Variants in BHLHA15 observed in about 807,000 individuals in gnomAD.
BHLHA15 encodes the protein basic helix-loop-helix family member a15, also known as class A basic helix-loop-helix protein 15.
BHLHA15 carries 7 observed loss-of-function variants against 10.4 expected under a neutral mutation model. The observed-to-expected ratio is 0.67, with a 90% CI of 0.38 to 1.26. The LOEUF is 1.26. BHLHA15 is among the 50% of genes most tolerant of loss of function. The pLI, the probability that BHLHA15 is intolerant of heterozygous loss-of-function variation, is 0.02. For synonymous variants in BHLHA15, 140 were observed against 131.5 expected, an observed-to-expected ratio of 1.06 and a Z score of -0.44; for missense variants, 289 against 287.4, an observed-to-expected ratio of 1.01 and a Z score of -0.04.
chr7:98,213,299 C>A lies in BHLHA15; in HGVS notation c.*420C>A, dbSNP rs181121228. 3.9e-5 allele frequency among the ~76,000 whole-genome samples: 6 copies of A among 152,308 alleles called. No homozygotes were observed. The highest frequency in any genetic ancestry group is 7.4e-5 in the Non-Finnish European group (5 of 68,016). ...CAAGGCCAAAGCCCCAGCAAGGACC[C>A]CCTCTCCAACCTTTGTTATAGGGCT... On this transcript the variant is annotated 3_prime_UTR_variant, in exon 2 of 2. Transcript: ENST00000609256.
chr7:98,212,207 C>A, intron 1 of BHLHA15, 49 bp from the exon 2 acceptor site: 3 of 1,135,582 alleles, frequency 2.6e-6, no homozygotes, highest in Non-Finnish European at 3.4e-6. Flanking sequence ...CCAGCGGGTC[C>A]CCTGCCCATG....
Position 98,212,782 on chromosome 7 carries a change from A to T in BHLHA15, c.473A>T (p.Gln158Leu). The T allele has an allele frequency of 6.5e-7, 1 of 1,549,316 alleles. No individual in the cohort carries two copies. The highest frequency in any genetic ancestry group is 8.7e-7 in the Non-Finnish European group (1 of 1,148,052). The change falls in exon 2 of 2, where the codon CAG becomes CTG. Residue 158 changes from glutamine (Q) to leucine (L), a missense_variant. Coordinates refer to ENST00000609256, the MANE Select transcript of BHLHA15 (RefSeq NM_177455.4). Reference protein sequence around the residue: ...KLYQHYQQQQQVAGGALGATE... With the variant: ...KLYQHYQQQQLVAGGALGATE... The stretch of plus-strand genomic sequence containing the variant: ...TACCAGCACTACCAGCAGCAGCAGC[A>T]GGTGGCTGGGGGTGCGTTGGGGGCC...
Position 98,214,133 on chromosome 7 carries a change from C to T in BHLHA15, c.*1254C>T, listed in dbSNP as rs1219951841. Among the ~76,000 whole-genome samples, 1 of 152,248 alleles carries T rather than the reference C, an allele frequency of 6.6e-6. No individual in the cohort carries two copies. The highest frequency in any genetic ancestry group is 1.5e-5 in the Non-Finnish European group (1 of 68,044). Reference sequence around the variant, plus strand: ...GGGATGTGGCTGCCACAGCTGAGACCAAGGGCTCTGGCTGGCCCGTCCCCA... The same window carrying T: ...GGGATGTGGCTGCCACAGCTGAGACTAAGGGCTCTGGCTGGCCCGTCCCCA... On this transcript the variant is annotated 3_prime_UTR_variant, in exon 2 of 2. Transcript: ENST00000609256.
At chr7:98,212,105 G>C (rs114435758) in intron 1 of BHLHA15, 151 bp from the exon 2 acceptor site, 2 of 446,322 alleles carry the variant, frequency 4.5e-6, no homozygotes, top group South Asian at 7.3e-5. Flanking sequence ...AGGGCTAAGC[G>C]TGTGAACAGA....
rs541375159 is a variant in BHLHA15 at position 98,215,168 on chromosome 7, C to T, written c.*2289C>T. The T allele has an allele frequency of 1.3e-5, 2 of 152,160 alleles. No homozygotes were observed. The highest frequency in any genetic ancestry group is 2.9e-5 in the Non-Finnish European group (2 of 68,050). The allele number at this position is 152,160 out of a possible 1,614,324, so 9.4% of individuals were successfully genotyped here. A position where few individuals can be genotyped will look rare whatever the true frequency, so the allele number is the denominator to read the frequency against. On this transcript the variant is annotated 3_prime_UTR_variant, in exon 2 of 2. Coordinates refer to ENST00000609256, the MANE Select transcript of BHLHA15 (RefSeq NM_177455.4). ...TTCCTGGGCTACGCCACGCGCCATC[C>T]CCCGGGGCTGTGGACGCACCCAGCC... is the stretch of plus-strand genomic sequence containing the variant.
chr7:98,212,444 G>A lies in BHLHA15; in HGVS notation c.135G>A (p.Pro45=), dbSNP rs564004252. ...CGGCCAAGGGTCTGCGGAGCCGGCC[G>A]GCCCGGGCCGCAGCAAGGGCTCCGG... ...PEPAKGLRSR[P]ARAAARAPGE... Residue 45 remains proline, a synonymous_variant, in exon 2 of 2, where the codon CCG becomes CCA. Coordinates refer to ENST00000609256, the MANE Select transcript of BHLHA15 (RefSeq NM_177455.4). 23 of 1,525,894 alleles carry A rather than the reference G, an allele frequency of 1.5e-5. 1 individual carries two copies. The highest frequency in any genetic ancestry group is 5.1e-5 in the East Asian group (2 of 39,358). The allele number at this position is 1,525,894 out of a possible 1,614,324, so 94.5% of individuals were successfully genotyped here.
Position 98,213,296 on chromosome 7 carries a change from A to G in BHLHA15, c.*417A>G, listed in dbSNP as rs1797936897. Among the ~76,000 whole-genome samples the G allele has an allele frequency of 6.6e-6, 1 of 152,088 alleles. No individual in the cohort carries two copies. Among genetic ancestry groups the G allele is most frequent in the African/African-American group, 2.4e-5 (1 of 41,420 alleles). On this transcript the variant is annotated 3_prime_UTR_variant, in exon 2 of 2. Coordinates refer to ENST00000609256, the MANE Select transcript of BHLHA15 (RefSeq NM_177455.4). Reference sequence around the variant, plus strand: ...TTCCAAGGCCAAAGCCCCAGCAAGGACCCCCTCTCCAACCTTTGTTATAGG... The same window carrying G: ...TTCCAAGGCCAAAGCCCCAGCAAGGGCCCCCTCTCCAACCTTTGTTATAGG...
chr7:98,213,651 G>A lies in BHLHA15; in HGVS notation c.*772G>A, dbSNP rs1797941956. Among the ~76,000 whole-genome samples the A allele has an allele frequency of 6.6e-6, 1 of 152,180 alleles. No individual in the cohort carries two copies. Among genetic ancestry groups the A allele is most frequent in the Admixed American group, 6.5e-5 (1 of 15,290 alleles). On this transcript the variant is annotated 3_prime_UTR_variant, in exon 2 of 2. Transcript: ENST00000609256. Reference sequence around the variant, plus strand: ...GGTGTTCCTGGTGCAGCCCTTCTGGGCATGGGAGAGAAGCCCCAAGGCCCT... The same window carrying A: ...GGTGTTCCTGGTGCAGCCCTTCTGGACATGGGAGAGAAGCCCCAAGGCCCT...
rs1797981566 is a variant in BHLHA15 at position 98,215,436 on chromosome 7, AC to A, written c.*2558del. ...TCATAAAACAAAAATAAAAGATTTC[AC>A]AGCAATGTCTGCTTCAGGCACACGG... On this transcript the variant is annotated 3_prime_UTR_variant, in exon 2 of 2. Coordinates refer to ENST00000609256, the MANE Select transcript of BHLHA15 (RefSeq NM_177455.4). The A allele has an allele frequency of 6.6e-6, 1 of 152,290 alleles. No homozygotes were observed. Among genetic ancestry groups the A allele is most frequent in the Non-Finnish European group, 1.5e-5 (1 of 68,056 alleles). 9.4% of individuals were successfully genotyped at this position (152,290 alleles called of 1,614,324 possible).
In BHLHA15 at chr7:98,213,001, C is replaced by T. The variant is rs540561469; in HGVS notation, c.*122C>T. The T allele has an allele frequency of 6.4e-4, 595 of 935,550 alleles. 1 individual carries two copies. The highest frequency in any genetic ancestry group is 1.0e-3 in the Middle Eastern group (3 of 2,994). The allele number at this position is 935,550 out of a possible 1,614,324, so 58.0% of individuals were successfully genotyped here. A position where few individuals can be genotyped will look rare whatever the true frequency, so the allele number is the denominator to read the frequency against. On this transcript the variant is annotated 3_prime_UTR_variant, in exon 2 of 2. Transcript: ENST00000609256. ...ACACCCCACAAGGACACGGCCTCAGCGGTTCCATTTTCCCCCGAACATTCA... is the reference window on the plus strand; with the variant it reads ...ACACCCCACAAGGACACGGCCTCAGTGGTTCCATTTTCCCCCGAACATTCA...
Position 98,212,911 on chromosome 7 carries a change from G to T in BHLHA15, c.*32G>T. 6.7e-7 allele frequency: 1 copy of T among 1,500,904 alleles called. No individual in the cohort carries two copies. 93.0% of individuals were successfully genotyped at this position (1,500,904 alleles called of 1,614,324 possible). A position where few individuals can be genotyped will look rare whatever the true frequency, so the allele number is the denominator to read the frequency against. ...GTCCTGGGTGGGGGTGGCGGTGGCC[G>T]CAGCTGCCTGGCCTGCTCCTCCCAG... On this transcript the variant is annotated 3_prime_UTR_variant, in exon 2 of 2. Transcript: ENST00000609256.
rs1797919687 is a variant in BHLHA15 at position 98,212,394 on chromosome 7, T to C, written c.85T>C (p.Ser29Pro). ...CCCCGGGGAGGGGACGCCCGACGGG[T>C]CCCTGCCGAACCCGGGGCCAGAGCC... ...ATPGEGTPDG[S>P]LPNPGPEPAK... The change falls in exon 2 of 2, where the codon TCC becomes CCC. Residue 29 changes from serine (S) to proline (P), a missense_variant. Transcript: ENST00000609256. 33 of 1,471,790 alleles carry C rather than the reference T, an allele frequency of 2.2e-5. No homozygotes were observed. The highest frequency in any genetic ancestry group is 3.0e-5 in the Non-Finnish European group (33 of 1,113,396). 91.2% of individuals were successfully genotyped at this position (1,471,790 alleles called of 1,614,324 possible).
Position 98,213,021 on chromosome 7 carries a change from C to A in BHLHA15, c.*142C>A, listed in dbSNP as rs1462677606. Reference sequence around the variant, plus strand: ...CTCAGCGGTTCCATTTTCCCCCGAACATTCAGCCACTTCCCTGGAGCAATT... The same window carrying A: ...CTCAGCGGTTCCATTTTCCCCCGAAAATTCAGCCACTTCCCTGGAGCAATT... On this transcript the variant is annotated 3_prime_UTR_variant, in exon 2 of 2. Coordinates refer to ENST00000609256, the MANE Select transcript of BHLHA15 (RefSeq NM_177455.4). 4 of 794,640 alleles carry A rather than the reference C, an allele frequency of 5.0e-6. No homozygotes were observed. In the African/African-American group the frequency reaches 7.1e-5, roughly 14 times the overall value. The allele number at this position is 794,640 out of a possible 1,614,324, so 49.2% of individuals were successfully genotyped here.
chr7:98,212,571 A>T lies in BHLHA15; in HGVS notation c.262A>T (p.Met88Leu). Residue 88 changes from methionine (M) to leucine (L), a missense_variant, in exon 2 of 2, where the codon ATG becomes TTG. Transcript: ENST00000609256. ...LESNERERQR[M>L]HKLNNAFQAL... The stretch of plus-strand genomic sequence containing the variant: ...GAGCAACGAGAGGGAGCGGCAGCGG[A>T]TGCACAAGCTAAATAACGCCTTCCA... 6.2e-7 allele frequency: 1 copy of T among 1,603,572 alleles called. No individual in the cohort carries two copies. The highest frequency in any genetic ancestry group is 2.3e-5 in the East Asian group (1 of 44,438).
chr7:98,214,073 G>A lies in BHLHA15; in HGVS notation c.*1194G>A, dbSNP rs949411928. On this transcript the variant is annotated 3_prime_UTR_variant, in exon 2 of 2. Coordinates refer to ENST00000609256, the MANE Select transcript of BHLHA15 (RefSeq NM_177455.4). ...CCCCTCCCTCATGCCTCTGCCCAGA[G>A]ATGTCCCAAAGGCCCTCAGGGCCAA... Among the ~76,000 whole-genome samples, 1 of 152,206 alleles carries A rather than the reference G, an allele frequency of 6.6e-6. No homozygotes were observed. Among genetic ancestry groups the A allele is most frequent in the African/African-American group, 2.4e-5 (1 of 41,458 alleles).
Position 98,212,454 on chromosome 7 carries a change from G to C in BHLHA15, c.145G>C (p.Ala49Pro), listed in dbSNP as rs1413590776. The C allele has an allele frequency of 2.0e-6, 3 of 1,536,220 alleles. No individual in the cohort carries two copies. The Admixed American group carries it at 6.2e-5, about 32-fold the overall frequency. The change falls in exon 2 of 2, where the codon GCA (alanine) becomes CCA (proline). Residue 49 changes from alanine (A) to proline (P), a missense_variant. Ala to Pro is a conservative substitution (Grantham distance 27). Coordinates refer to ENST00000609256, the MANE Select transcript of BHLHA15 (RefSeq NM_177455.4). ...TCTGCGGAGCCGGCCGGCCCGGGCC[G>C]CAGCAAGGGCTCCGGGCGAGGGCAG... Reference protein sequence around the residue: ...KGLRSRPARAAARAPGEGRRR... With the variant: ...KGLRSRPARAPARAPGEGRRR...
rs1797956659 is a variant in BHLHA15, at chr7:98,214,524, T to C, written c.*1645T>C. The C allele has an allele frequency of 6.6e-6, 1 of 152,220 alleles. No individual in the cohort carries two copies. Among genetic ancestry groups the C allele is most frequent in the African/African-American group, 2.4e-5 (1 of 41,444 alleles). The allele number at this position is 152,220 out of a possible 1,614,324, so 9.4% of individuals were successfully genotyped here. On this transcript the variant is annotated 3_prime_UTR_variant, in exon 2 of 2. Coordinates refer to ENST00000609256, the MANE Select transcript of BHLHA15 (RefSeq NM_177455.4). Reference sequence around the variant, plus strand: ...CAGAGAGAGCCCAGGGCTCCCCTGCTGTGGGGCACCTGCCCAGCGGGGACA... The same window carrying C: ...CAGAGAGAGCCCAGGGCTCCCCTGCCGTGGGGCACCTGCCCAGCGGGGACA...
chr7:98,214,046 C>CT lies in BHLHA15; in HGVS notation c.*1168dup, dbSNP rs781534372. Reference sequence around the variant, plus strand: ...CTCTGCCGGACTTGGCTACTGGACTCTCCCCTCCCTCATGCCTCTGCCCAG... The same window carrying CT: ...CTCTGCCGGACTTGGCTACTGGACTCTTCCCCTCCCTCATGCCTCTGCCCAG... On this transcript the variant is annotated 3_prime_UTR_variant, in exon 2 of 2. Transcript: ENST00000609256. Among the ~76,000 whole-genome samples the CT allele has an allele frequency of 1.3e-5, 2 of 152,220 alleles. No individual in the cohort carries two copies. Among genetic ancestry groups the CT allele is most frequent in the African/African-American group, 2.4e-5 (1 of 41,460 alleles).
rs1186701712 is a variant in BHLHA15 at position 98,214,188 on chromosome 7, G to C, written c.*1309G>C. Among the ~76,000 whole-genome samples, 10 of 152,240 alleles carry C rather than the reference G, an allele frequency of 6.6e-5. No individual in the cohort carries two copies. The highest frequency in any genetic ancestry group is 2.4e-4 in the African/African-American group (10 of 41,462). ...GTGGCCCTGCCCTCCCCAAGTTGGG[G>C]GTTGTGGCACTTGGGGTCAGGCCTA... On this transcript the variant is annotated 3_prime_UTR_variant, in exon 2 of 2. Transcript: ENST00000609256.
Sources: allele counts gnomAD v4.1 joint callset (sites outside exome capture counted in the v4.1 genomes callset), GRCh38; gene constraint gnomAD v4.1.1; transcripts MANE v1.5; gene names NCBI Gene and HGNC (gene_info 2026-07-23, HGNC 2026-07-21).